Variants in DYNC2H1 observed in about 807,000 individuals in gnomAD.
The protein encoded by DYNC2H1 is cytoplasmic dynein 2 heavy chain 1.
A neutral mutation model predicts 570.0 loss-of-function variants in DYNC2H1; 410 were observed. The observed-to-expected ratio is 0.72, with a 90% CI of 0.66 to 0.78. The LOEUF (loss-of-function observed/expected upper bound fraction) is 0.78. Ranked by LOEUF, DYNC2H1 falls within the 30% of genes least tolerant of loss-of-function variation. The pLI is 0.00. For missense variants in DYNC2H1, 4,865 were observed against 5,046.4 expected (o/e 0.96, Z 1.09); for synonymous variants, 1,688 against 1,677.6 (o/e 1.01, Z -0.15).
In DYNC2H1 at chr11:103,395,964, A is replaced by C. The variant is rs906927700; in HGVS notation, c.12157-3699A>C. On this transcript the variant is annotated intron_variant, in intron 83 of 88. Transcript: ENST00000375735. The surrounding 1 kb of genome is among the most constrained non-coding windows in gnomAD (Gnocchi z 4.3). ...CTTTAACCCTTACAGATCCACTCCA[A>C]CTTTGTTTTTACTTCTAATTTCCTT... Among the ~76,000 whole-genome samples, 4 of 152,088 alleles carry C rather than the reference A, an allele frequency of 2.6e-5. No homozygotes were observed. Among genetic ancestry groups the C allele is most frequent in the Admixed American group, 6.6e-5 (1 of 15,254 alleles).
chr11:103,357,338 C>T (rs1269618334), intron 82 of DYNC2H1, among the ~76,000 whole-genome samples: 1 of 151,944 alleles, frequency 6.6e-6, no homozygotes, highest in East Asian at 1.9e-4. Flanking sequence ...ATTTACCTTG[C>T]CTTGTTTGAA....
chr11:103,425,793 T>C (rs1245945231), intron 84 of DYNC2H1, among the ~76,000 whole-genome samples: 1 of 151,588 alleles, frequency 6.6e-6, no homozygotes, highest in Non-Finnish European at 1.5e-5. Flanking sequence ...AAAATAATTA[T>C]ACATAACAAA....
intron 82 of DYNC2H1, among the ~76,000 whole-genome samples, chr11:103,346,022 G>A (rs1939726221): frequency 6.6e-6 from 1 of 152,038 alleles, no homozygotes; most frequent in Admixed American, 6.5e-5. Context: ...TTCCAGAATT[G>A]TATTATTTTT....
In DYNC2H1 at chr11:103,177,822, T is replaced by C. The variant is rs369196511; in HGVS notation, c.6139+2T>C. ...GTCAAGTGGTTCGGGAACCTCAAGGTTAGTCTCTATGTATACTTCTTTGCT... is the reference window on the plus strand; with the variant it reads ...GTCAAGTGGTTCGGGAACCTCAAGGCTAGTCTCTATGTATACTTCTTTGCT... On this transcript the variant is annotated splice_donor_variant, in intron 38 of 88. Coordinates refer to ENST00000375735, the MANE Select transcript of DYNC2H1 (RefSeq NM_001377.3). LOFTEE classifies it high-confidence loss of function. The surrounding 1 kb of genome is among the most constrained non-coding windows in gnomAD (Gnocchi z 4.4). The C allele has an allele frequency of 3.2e-5, 51 of 1,607,998 alleles. No individual in the cohort carries two copies. The highest frequency in any genetic ancestry group is 4.2e-5 in the Non-Finnish European group (50 of 1,177,970).
intron 88 of DYNC2H1, among the ~76,000 whole-genome samples, chr11:103,478,682 C>A (rs1945645841): frequency 6.6e-6 from 1 of 152,194 alleles, no homozygotes; most frequent in Non-Finnish European, 1.5e-5. Flanking sequence ...TTTCAACAAA[C>A]TGCAAAGCAT....
At position 103,444,269 on chromosome 11, in the gene DYNC2H1, C is replaced by T. The variant is rs955201533; in HGVS notation, c.12456+8237C>T. ...AATTATTCTTTAAATTCTTCTCTTG[C>T]TATACTAAACACATAGTAATGATTC... On this transcript the variant is annotated intron_variant, in intron 85 of 88. Transcript: ENST00000375735. 3.3e-5 allele frequency among the ~76,000 whole-genome samples: 5 copies of T among 151,814 alleles called. No individual in the cohort carries two copies. The East Asian group carries it at 9.7e-4, about 29-fold the overall frequency.
At chr11:103,424,358 G>A (rs1380587908) in intron 84 of DYNC2H1, among the ~76,000 whole-genome samples, 1 of 152,046 alleles carries the variant, frequency 6.6e-6, no homozygotes, top group Non-Finnish European at 1.5e-5. Context: ...GTGTTGATAT[G>A]GATCAGGAAC....
chr11:103,131,685 A>G (rs1335419578), intron 13 of DYNC2H1, among the ~76,000 whole-genome samples: 2 of 152,052 alleles, frequency 1.3e-5, no homozygotes. Flanking sequence ...TCATTCCTGA[A>G]GGATATTTTA....
chr11:103,423,939 T>C (rs746933208), intron 84 of DYNC2H1, among the ~76,000 whole-genome samples: 2 of 152,014 alleles, frequency 1.3e-5, no homozygotes, highest in Admixed American at 6.6e-5. Flanking sequence ...AAAATGAAAT[T>C]AAGAACTTAA....
chr11:103,477,186 T>C (rs906600348), intron 88 of DYNC2H1, among the ~76,000 whole-genome samples: 1 of 152,230 alleles, frequency 6.6e-6, no homozygotes, highest in Non-Finnish European at 1.5e-5. Flanking sequence ...TATTGTGTTC[T>C]ATTTTGCAAA....
At position 103,109,445 on chromosome 11, in the gene DYNC2H1, A is replaced by G. The variant is rs1267749441; in HGVS notation, c.-130A>G. The stretch of plus-strand genomic sequence containing the variant: ...GTCGCCATAGCGACTACCCCTGGCA[A>G]CCGCGAAGCTCTGCGGTCCCGCGGT... On this transcript the variant is annotated 5_prime_UTR_variant, in exon 1 of 89. Transcript: ENST00000375735. 3 of 904,146 alleles carry G rather than the reference A, an allele frequency of 3.3e-6. No individual in the cohort carries two copies. In the African/African-American group the frequency reaches 5.1e-5, roughly 15 times the overall value. 56.0% of individuals were successfully genotyped at this position (904,146 alleles called of 1,614,324 possible). A position where few individuals can be genotyped will look rare whatever the true frequency, so the allele number is the denominator to read the frequency against.
At chr11:103,196,091 G>GTGTTT (rs1862498608) in intron 47 of DYNC2H1, among the ~76,000 whole-genome samples, 2 of 152,228 alleles carry the variant, frequency 1.3e-5, no homozygotes, top group South Asian at 2.1e-4. Context: ...TAGGAGTTTG[G>GTGTTT]TGTTTTGTTT....
intron 70 of DYNC2H1, among the ~76,000 whole-genome samples, 185 bp downstream of exon 70, chr11:103,260,162 A>C (rs1865213997): frequency 6.6e-6 from 1 of 152,114 alleles, no homozygotes; most frequent in Non-Finnish European, 1.5e-5. Flanking sequence ...GAAAAAAGTG[A>C]CAAGTGAAGA....
chr11:103,282,958 A>T, intron 72 of DYNC2H1, 50 bp from the exon 73 acceptor site: 2 of 1,386,908 alleles, frequency 1.4e-6, no homozygotes, highest in Non-Finnish European at 2.0e-6. Context: ...TATTTTTTAA[A>T]CTCTGAATTT....
intron 75 of DYNC2H1, among the ~76,000 whole-genome samples, chr11:103,300,437 TTGA>T (rs963005917): frequency 6.6e-6 from 1 of 152,056 alleles, no homozygotes; most frequent in Admixed American, 6.6e-5. Context: ...ATGATTCATA[TTGA>T]TGATTCTGAT....
Position 103,254,918 on chromosome 11 carries a change from C to T in DYNC2H1, c.10207-497C>T, listed in dbSNP as rs959151673. Among the ~76,000 whole-genome samples, 2 of 151,520 alleles carry T rather than the reference C, an allele frequency of 1.3e-5. No individual in the cohort carries two copies. The highest frequency in any genetic ancestry group is 2.4e-5 in the African/African-American group (1 of 41,224). ...TCCCGAGTAGCTGGGATTACAGGCG[C>T]CCACCACCACGCCTGGCTAATTTTT... On this transcript the variant is annotated intron_variant, in intron 66 of 88. Transcript: ENST00000375735. This position sits in a 1 kb window ranked among gnomAD's most constrained non-coding sequence, Gnocchi z 4.9.
chr11:103,402,644 G>C (rs539495166), intron 84 of DYNC2H1: 3 of 152,038 alleles, frequency 2.0e-5, no homozygotes, highest in Non-Finnish European at 4.4e-5. Context: ...GCCTGAATAA[G>C]GGCTATGGCG....
At chr11:103,464,373 T>A (rs903617003) in intron 87 of DYNC2H1, among the ~76,000 whole-genome samples, 3 of 152,124 alleles carry the variant, frequency 2.0e-5, no homozygotes, top group African/African-American at 4.8e-5. Context: ...AAAACAATAG[T>A]TTCAGATACT....
chr11:103,462,932 T>A (rs1945068998), intron 87 of DYNC2H1, among the ~76,000 whole-genome samples: 2 of 152,190 alleles, frequency 1.3e-5, no homozygotes, highest in Admixed American at 6.5e-5. Flanking sequence ...TGTACAAATT[T>A]CAGAGTACAG....
Sources: gnomAD v4.1 joint callset for allele counts (sites outside exome capture counted in the v4.1 genomes callset) on GRCh38, gnomAD v4.1.1 for gene constraint, Gnocchi (gnomAD v3.1) non-coding constraint, MANE v1.5 for transcripts, NCBI Gene and HGNC (gene_info 2026-07-23, HGNC 2026-07-21) for gene names.